The following SORCS2 variants were observed in gnomAD, a reference collection of about 807,000 sequenced individuals.
SORCS2 encodes sortilin related VPS10 domain containing receptor 2, also known as VPS10 domain-containing receptor SorCS2.
SORCS2 carries 100 observed loss-of-function variants against 141.6 expected under a neutral mutation model. The observed-to-expected ratio is 0.71, with a 90% confidence interval of 0.60 to 0.83. The LOEUF is 0.83. Ranked by LOEUF, SORCS2 falls within the 40% of genes least tolerant of loss-of-function variation. SORCS2 has a pLI of 0.00. For missense variants in SORCS2, 1,646 were observed against 1,560.2 expected (o/e 1.05, Z -0.93); for synonymous variants, 789 against 676.9 (o/e 1.17, Z -2.57).
intron 2 of SORCS2, among the ~76,000 whole-genome samples, chr4:7,479,162 A>C (rs927432681): frequency 6.6e-6 from 1 of 151,200 alleles, no homozygotes; most frequent in Non-Finnish European, 1.5e-5. Flanking sequence ...GCCAGCAGCC[A>C]GCTGCCCTCT....
intron 1 of SORCS2, among the ~76,000 whole-genome samples, chr4:7,275,801 G>C (rs1209957399): frequency 1.3e-5 from 2 of 152,144 alleles, no homozygotes; most frequent in East Asian, 1.9e-4. Context: ...GTGTAGTGTC[G>C]TGATGCTACT....
intron 2 of SORCS2, among the ~76,000 whole-genome samples, chr4:7,490,522 G>C (rs560290547): frequency 8.5e-5 from 13 of 152,100 alleles, no homozygotes; most frequent in Admixed American, 3.9e-4. Flanking sequence ...TGCCAGGGAG[G>C]TGGGGCTGCC....
intron 1 of SORCS2, among the ~76,000 whole-genome samples, chr4:7,304,900 C>T (rs945571260): frequency 2.6e-5 from 4 of 152,238 alleles, no homozygotes; most frequent in African/African-American, 9.6e-5. Context: ...CTGGGTTGTC[C>T]TGGGGGCAAC....
At chr4:7,358,003 A>G (rs1721356845) in intron 1 of SORCS2, among the ~76,000 whole-genome samples, 1 of 152,194 alleles carries the variant, frequency 6.6e-6, no homozygotes, top group Non-Finnish European at 1.5e-5. Context: ...TTCCTCCTGA[A>G]AATATTTGTG....
intron 3 of SORCS2, among the ~76,000 whole-genome samples, 193 bp from the exon 4 acceptor site, chr4:7,638,135 C>G (rs567486276): frequency 2.0e-5 from 3 of 150,110 alleles, no homozygotes; most frequent in African/African-American, 7.4e-5. Flanking sequence ...GGGCTGGGGG[C>G]GGGCCCGCCA....
intron 3 of SORCS2, among the ~76,000 whole-genome samples, chr4:7,551,737 G>A (rs1239307020): frequency 2.0e-5 from 3 of 152,284 alleles, no homozygotes; most frequent in South Asian, 4.1e-4. Context: ...ATTCAGCATC[G>A]AACTCCAGGC....
chr4:7,344,872 A>G (rs1250971574), intron 1 of SORCS2, among the ~76,000 whole-genome samples: 1 of 152,110 alleles, frequency 6.6e-6, no homozygotes, highest in Admixed American at 6.5e-5. Context: ...CTGCGTGAGG[A>G]GCACAGTGGA....
chr4:7,272,553 A>T (rs1314095281), intron 1 of SORCS2, among the ~76,000 whole-genome samples: 1 of 152,178 alleles, frequency 6.6e-6, no homozygotes, highest in African/African-American at 2.4e-5. Context: ...ACAGGCTAGG[A>T]CCTGCTGTAA....
chr4:7,454,657 G>C lies in SORCS2; in HGVS notation c.548+58302G>C, dbSNP rs550503008. On this transcript the variant is annotated intron_variant, in intron 2 of 26. Transcript: ENST00000507866. ...GTGTGTTGGGGTCAGGCACTGTGTT[G>C]GGGTCAGGCTCTGTGTTGGGGTCAG... is the stretch of plus-strand genomic sequence containing the variant. 3.2e-3 allele frequency among the ~76,000 whole-genome samples: 415 copies of C among 127,966 alleles called. 3 individuals are homozygous for C. The highest frequency in any genetic ancestry group is 0.012 in the African/African-American group (394 of 32,380). The allele number at this position is 127,966 out of a possible 152,430, so 84.0% of individuals were successfully genotyped here.
intron 4 of SORCS2, among the ~76,000 whole-genome samples, chr4:7,650,066 G>A (rs975579687): frequency 2.6e-5 from 4 of 152,204 alleles, no homozygotes; most frequent in Non-Finnish European, 5.9e-5. Flanking sequence ...TCCTGGGCCA[G>A]TGACGGAAAT....
intron 2 of SORCS2, among the ~76,000 whole-genome samples, chr4:7,488,373 A>G (rs1031329096): frequency 2.6e-5 from 4 of 152,212 alleles, no homozygotes; most frequent in Admixed American, 1.3e-4. Context: ...TCAAGGGCTG[A>G]GATCCTGGGG....
intron 23 of SORCS2, among the ~76,000 whole-genome samples, chr4:7,730,971 C>T (rs996502431): frequency 1.3e-5 from 2 of 152,218 alleles, no homozygotes; most frequent in African/African-American, 2.4e-5. Context: ...AGGCGTGGCC[C>T]GTGCAGGGGA....
intron 2 of SORCS2, among the ~76,000 whole-genome samples, chr4:7,521,921 C>T (rs1733355034): frequency 6.6e-6 from 1 of 152,216 alleles, no homozygotes; most frequent in South Asian, 2.1e-4. Flanking sequence ...AGGGGTGGTC[C>T]ATGCCGTAAG....
intron 1 of SORCS2, among the ~76,000 whole-genome samples, chr4:7,350,140 T>C (rs930652944): frequency 1.3e-5 from 2 of 152,236 alleles, no homozygotes; most frequent in South Asian, 2.1e-4. Context: ...ACACGACTCT[T>C]GTTTTAAAAA....
intron 1 of SORCS2, among the ~76,000 whole-genome samples, chr4:7,391,902 C>T (rs1723886792): frequency 6.6e-6 from 1 of 152,164 alleles, no homozygotes; most frequent in South Asian, 2.1e-4. Context: ...GGGTGCCCTG[C>T]AGACACACAG....
At chr4:7,372,529 A>G (rs1430133170) in intron 1 of SORCS2, among the ~76,000 whole-genome samples, 1 of 152,136 alleles carries the variant, frequency 6.6e-6, no homozygotes, top group Non-Finnish European at 1.5e-5. Context: ...GCTGATCTTG[A>G]ACTCCTGACC....
At chr4:7,412,210 G>A (rs1475468878) in intron 2 of SORCS2, among the ~76,000 whole-genome samples, 2 of 152,166 alleles carry the variant, frequency 1.3e-5, no homozygotes, top group Non-Finnish European at 2.9e-5. Flanking sequence ...TGTGCCACCC[G>A]CGTGTCACTC....
intron 1 of SORCS2, among the ~76,000 whole-genome samples, chr4:7,380,716 A>C (rs537759277): frequency 6.6e-5 from 10 of 152,334 alleles, no homozygotes; most frequent in Admixed American, 2.0e-4. Flanking sequence ...TTATTTTTGT[A>C]GTTACCTTCT....
intron 2 of SORCS2, among the ~76,000 whole-genome samples, chr4:7,481,139 G>T (rs926327831): frequency 6.6e-6 from 1 of 152,228 alleles, no homozygotes. Flanking sequence ...GCCACACATG[G>T]CATCCTCTTT....
Sources: gnomAD v4.1 joint callset for allele counts (sites outside exome capture counted in the v4.1 genomes callset) on GRCh38, gnomAD v4.1.1 for gene constraint, MANE v1.5 for transcripts, NCBI Gene and HGNC (gene_info 2026-07-23, HGNC 2026-07-21) for gene names.